The following GALNT13 variants were observed in gnomAD, a reference collection of about 807,000 sequenced individuals.
The protein encoded by GALNT13 is polypeptide N-acetylgalactosaminyltransferase 13.
In GALNT13, 28 loss-of-function variants were observed where a neutral mutation model predicts 64.2. The observed-to-expected ratio is 0.44, with a 90% confidence interval of 0.32 to 0.60. The LOEUF is 0.60. GALNT13 is among the 20% of genes least tolerant of loss of function. The pLI, the probability that GALNT13 is intolerant of heterozygous loss-of-function variation, is 0.05. For missense variants in GALNT13, 577 were observed against 669.8 expected (o/e 0.86, Z 1.53); for synonymous variants, 214 against 224.6 (o/e 0.95, Z 0.42).
the GALNT13 span, among the ~76,000 whole-genome samples, chr2:153,325,455 A>G: frequency 6.6e-6 from 1 of 151,874 alleles, no homozygotes; most frequent in African/African-American, 2.4e-5. Context: ...CAGCTCCTGG[A>G]TTCATTGATT....
the GALNT13 span, among the ~76,000 whole-genome samples, chr2:153,524,850 G>A: frequency 6.6e-6 from 1 of 152,184 alleles, no homozygotes; most frequent in Non-Finnish European, 1.5e-5. Flanking sequence ...GCGAGTTCTT[G>A]TGCTGAACTG....
chr2:153,891,899 G>T (rs1687578671), intron 1 of GALNT13, among the ~76,000 whole-genome samples: 1 of 151,926 alleles, frequency 6.6e-6, no homozygotes, highest in South Asian at 2.1e-4. Flanking sequence ...TCGCTGAATT[G>T]ATTCTCTGTT....
intron 3 of GALNT13, among the ~76,000 whole-genome samples, chr2:153,991,553 T>A (rs1695156937): frequency 6.6e-6 from 1 of 152,104 alleles, no homozygotes; most frequent in Non-Finnish European, 1.5e-5. Context: ...AAATATATAA[T>A]GAACCATCAT....
At chr2:153,623,838 A>G in the GALNT13 span, among the ~76,000 whole-genome samples, 1 of 152,018 alleles carries the variant, frequency 6.6e-6, no homozygotes, top group African/African-American at 2.4e-5. Context: ...ATTCCTATTT[A>G]AGTAAGCAGA....
chr2:154,151,537 G>A (rs1288742772), intron 4 of GALNT13, among the ~76,000 whole-genome samples: 2 of 152,176 alleles, frequency 1.3e-5, no homozygotes, highest in African/African-American at 4.8e-5. Context: ...GGGTGTTAAA[G>A]TCTCCCACTA....
intron 4 of GALNT13, among the ~76,000 whole-genome samples, chr2:154,200,348 A>C (rs1687108573): frequency 6.6e-6 from 1 of 152,122 alleles, no homozygotes; most frequent in Non-Finnish European, 1.5e-5. Flanking sequence ...CACCAAAGAT[A>C]TGAACTGTGG....
At chr2:153,241,619 T>C in the GALNT13 span, among the ~76,000 whole-genome samples, 1 of 151,748 alleles carries the variant, frequency 6.6e-6, no homozygotes, top group African/African-American at 2.4e-5. Flanking sequence ...ACCAGCAAAA[T>C]GTGTAAAAAA....
chr2:153,597,971 A>T, the GALNT13 span, among the ~76,000 whole-genome samples: 1 of 152,134 alleles, frequency 6.6e-6, no homozygotes, highest in African/African-American at 2.4e-5. Flanking sequence ...GAACCCTCAT[A>T]TACTACTGGT....
At chr2:153,115,142 C>T in the GALNT13 span, among the ~76,000 whole-genome samples, 1 of 151,974 alleles carries the variant, frequency 6.6e-6, no homozygotes. Context: ...CTTGGCCTCT[C>T]CAAATAGCTT....
chr2:153,398,673 G>A, the GALNT13 span, among the ~76,000 whole-genome samples: 1 of 152,196 alleles, frequency 6.6e-6, no homozygotes, highest in Non-Finnish European at 1.5e-5. Context: ...CTGAAGGCCA[G>A]TGATGATGAG....
the GALNT13 span, among the ~76,000 whole-genome samples, chr2:153,636,788 A>G: frequency 6.6e-6 from 1 of 152,282 alleles, no homozygotes; most frequent in East Asian, 1.9e-4. Flanking sequence ...ATTTAGAGGA[A>G]AATAGAGAAG....
chr2:153,850,453 C>T, the GALNT13 span, among the ~76,000 whole-genome samples: 3 of 151,986 alleles, frequency 2.0e-5, no homozygotes, highest in East Asian at 5.8e-4. Context: ...GAATGTAGCC[C>T]AAGGCAATTT....
the GALNT13 span, among the ~76,000 whole-genome samples, chr2:153,120,272 C>T: frequency 4.1e-4 from 63 of 152,340 alleles, no homozygotes; most frequent in Non-Finnish European, 6.9e-4. Context: ...CAACTCTTCA[C>T]GTGGTAGATT....
the GALNT13 span, among the ~76,000 whole-genome samples, chr2:153,280,130 T>G: frequency 1.3e-5 from 2 of 152,190 alleles, no homozygotes; most frequent in Non-Finnish European, 2.9e-5. Context: ...ATCCATTTCC[T>G]CTAGGTTTTC....
chr2:153,955,131 C>T (rs1692473621), intron 3 of GALNT13, among the ~76,000 whole-genome samples: 1 of 152,116 alleles, frequency 6.6e-6, no homozygotes, highest in Non-Finnish European at 1.5e-5. Context: ...TTTTTCTCAG[C>T]AGTGAGTTTT....
the GALNT13 span, among the ~76,000 whole-genome samples, chr2:153,602,471 A>G: frequency 2.0e-5 from 3 of 148,118 alleles, no homozygotes; most frequent in Admixed American, 1.4e-4. Flanking sequence ...ATAATACCCT[A>G]CTGGGAAGGG....
chr2:153,849,710 A>C, the GALNT13 span, among the ~76,000 whole-genome samples: 12 of 152,170 alleles, frequency 7.9e-5, no homozygotes, highest in African/African-American at 2.9e-4. Context: ...GAAGAAGTTC[A>C]GGGAGGGCAT....
chr2:153,586,998 G>A, the GALNT13 span, among the ~76,000 whole-genome samples: 1 of 152,050 alleles, frequency 6.6e-6, no homozygotes, highest in African/African-American at 2.4e-5. Context: ...TTGGGAGTCT[G>A]AGGCAGATGG....
At chr2:153,094,581 A>T in the GALNT13 span, among the ~76,000 whole-genome samples, 1 of 152,272 alleles carries the variant, frequency 6.6e-6, no homozygotes, top group East Asian at 1.9e-4. Context: ...CATTGCCAAG[A>T]CAATCCTAAG....
Sources: allele counts gnomAD v4.1 joint callset (sites outside exome capture counted in the v4.1 genomes callset), GRCh38; gene constraint gnomAD v4.1.1; transcripts MANE v1.5; gene names NCBI Gene and HGNC (gene_info 2026-07-23, HGNC 2026-07-21).